TTLL6: variants seen among roughly 807,000 people sequenced by gnomAD.
The protein encoded by TTLL6 is tubulin tyrosine ligase like 6.
A neutral mutation model predicts 96.4 loss-of-function variants in TTLL6; 75 were observed. That is an observed-to-expected ratio of 0.78 (90% CI 0.65 to 0.94). The LOEUF is 0.94. Ranked by LOEUF, TTLL6 falls within the 40% of genes least tolerant of loss-of-function variation. The pLI is 0.00. For synonymous variants in TTLL6, 411 were observed against 419.4 expected (o/e 0.98, Z 0.24); for missense variants, 1,030 against 1,093.0 (o/e 0.94, Z 0.81).
intron 13 of TTLL6, among the ~76,000 whole-genome samples, chr17:48,771,083 G>C (rs1252079417): frequency 1.3e-5 from 2 of 152,174 alleles, no homozygotes; most frequent in Non-Finnish European, 2.9e-5. Context: ...AGACTTACTG[G>C]CTAGAGGTAA....
chr17:48,775,122 TAA>T (rs796616549), intron 13 of TTLL6, among the ~76,000 whole-genome samples: 2 of 142,250 alleles, frequency 1.4e-5, no homozygotes, highest in Admixed American at 7.1e-5. Context: ...GACTCCATCT[TAA>T]AAAAAAAAAA....
intron 5 of TTLL6, among the ~76,000 whole-genome samples, chr17:48,800,615 G>A (rs1472002021): frequency 2.6e-5 from 4 of 152,124 alleles, no homozygotes; most frequent in African/African-American, 7.2e-5. Flanking sequence ...AGAGGGGAGG[G>A]TAGAATTCCT....
chr17:48,768,771 G>T (rs1403586016), intron 15 of TTLL6, among the ~76,000 whole-genome samples: 2 of 146,458 alleles, frequency 1.4e-5, no homozygotes, highest in African/African-American at 2.6e-5. Flanking sequence ...CAAACTCCTG[G>T]GCACAAGGGA....
At chr17:48,811,134 T>C (rs959558058) in intron 1 of TTLL6, among the ~76,000 whole-genome samples, 5 of 150,268 alleles carry the variant, frequency 3.3e-5, no homozygotes, top group Admixed American at 2.7e-4. Context: ...AGTGGCATGA[T>C]TTCGGCTCAC....
Position 48,790,318 on chromosome 17 carries a change from C to A in TTLL6, c.1225-212G>T, listed in dbSNP as rs192473743. ...TAGTTAAACCAGCTTTTATCTCAGG[C>A]CTTTCTTCTTTGGGAGCATCAGGGT... On this transcript the variant is annotated intron_variant, in intron 9 of 15. Transcript: ENST00000393382. 3.1e-4 allele frequency among the ~76,000 whole-genome samples: 47 copies of A among 152,310 alleles called. No individual in the cohort carries two copies. The East Asian group carries it at 8.3e-3, about 27-fold the overall frequency.
At chr17:48,789,879 G>T in intron 10 of TTLL6, 52 bp downstream of exon 10, 1 of 1,587,872 alleles carries the variant, frequency 6.3e-7, no homozygotes, top group Non-Finnish European at 8.6e-7. Flanking sequence ...TTCTTATTGG[G>T]AGCAGGGGAG....
At chr17:48,805,108 A>G (rs1183878557) in intron 1 of TTLL6, 117 bp from the exon 2 acceptor site, 2 of 799,136 alleles carry the variant, frequency 2.5e-6, no homozygotes, top group Non-Finnish European at 3.9e-6. Context: ...GTTGCAGTTT[A>G]TAAAATGCCA....
intron 10 of TTLL6, among the ~76,000 whole-genome samples, chr17:48,789,014 A>T (rs1381946245): frequency 6.6e-6 from 1 of 152,056 alleles, no homozygotes; most frequent in Non-Finnish European, 1.5e-5. Flanking sequence ...TTCAGAATGG[A>T]AATACCAGTT....
Position 48,786,831 on chromosome 17 carries a change from CTTTTT to C in TTLL6, c.1590-501_1590-497del, listed in dbSNP as rs11446945. On this transcript the variant is annotated intron_variant, in intron 11 of 15. Transcript: ENST00000393382. Reference sequence around the variant, plus strand: ...GGAGTTCTGGTCCCTCTTCTGTCATCTTTTTTTTTTTTTTTTTTTTGAGATGGAGT... The same window carrying C: ...GGAGTTCTGGTCCCTCTTCTGTCATCTTTTTTTTTTTTTTTGAGATGGAGT... Among the ~76,000 whole-genome samples the C allele has an allele frequency of 4.5e-4, 55 of 122,486 alleles. 1 individual carries two copies. The South Asian group carries it at 7.8e-3, about 17-fold the overall frequency. The allele number at this position is 122,486 out of a possible 152,430, so 80.4% of individuals were successfully genotyped here.
intron 1 of TTLL6, among the ~76,000 whole-genome samples, chr17:48,814,169 AT>A (rs966197304): frequency 4.6e-5 from 7 of 151,954 alleles, no homozygotes; most frequent in Admixed American, 1.3e-4. Flanking sequence ...AAATACAAAA[AT>A]TAGCTGGGCA....
intron 13 of TTLL6, among the ~76,000 whole-genome samples, chr17:48,771,662 C>T (rs1446764164): frequency 7.3e-6 from 1 of 137,576 alleles, no homozygotes; most frequent in Non-Finnish European, 1.6e-5. Context: ...TATATATACA[C>T]ATTAGTGTAT....
intron 2 of TTLL6, 153 bp from the exon 3 acceptor site, chr17:48,804,081 C>T (rs1025154332): frequency 2.6e-6 from 2 of 769,110 alleles, no homozygotes; most frequent in Non-Finnish European, 4.3e-6. Context: ...GCTGAGGACA[C>T]GAGTCCAAGG....
At chr17:48,785,900 C>T (rs2039081741) in intron 12 of TTLL6, among the ~76,000 whole-genome samples, 1 of 152,170 alleles carries the variant, frequency 6.6e-6, no homozygotes, top group African/African-American at 2.4e-5. Flanking sequence ...CCCAGCATGG[C>T]CTGGCTGCTC....
rs535354935 is a variant in TTLL6, at chr17:48,807,252, G to C, written c.104-2261C>G. On this transcript the variant is annotated intron_variant, in intron 1 of 15. Coordinates refer to ENST00000393382, the MANE Select transcript of TTLL6 (RefSeq NM_001130918.3). ...ACTACAGGCATACACCACCACACCCGGCTAGTTTTGTATTTTTAGTAGAGA... is the reference window on the plus strand; with the variant it reads ...ACTACAGGCATACACCACCACACCCCGCTAGTTTTGTATTTTTAGTAGAGA... 6.6e-5 allele frequency among the ~76,000 whole-genome samples: 10 copies of C among 151,082 alleles called. No homozygotes were observed. In the South Asian group the frequency reaches 2.1e-3, roughly 32 times the overall value.
chr17:48,795,047 G>A (rs888368725), intron 8 of TTLL6, among the ~76,000 whole-genome samples: 1 of 152,146 alleles, frequency 6.6e-6, no homozygotes, highest in African/African-American at 2.4e-5. Context: ...TCAAGAATAG[G>A]CCGGGCGCGG....
In TTLL6 at chr17:48,810,825, G is replaced by GTATATATA. The variant is rs1555569643; in HGVS notation, c.104-5842_104-5835dup. ...ATATACACATATATAGTATGTGTGT[G>GTATATATA]TATATATATATATATATATATATAT... On this transcript the variant is annotated intron_variant, in intron 1 of 15. Coordinates refer to ENST00000393382, the MANE Select transcript of TTLL6 (RefSeq NM_001130918.3). 9.4e-3 allele frequency among the ~76,000 whole-genome samples: 791 copies of GTATATATA among 84,264 alleles called. 26 individuals are homozygous for GTATATATA. The highest frequency in any genetic ancestry group is 0.028 in the East Asian group (53 of 1,896). 55.3% of individuals were successfully genotyped at this position (84,264 alleles called of 152,430 possible).
In TTLL6 at chr17:48,786,344, G is replaced by T. The variant is rs2039095178; in HGVS notation, c.1590-9C>A. The stretch of plus-strand genomic sequence containing the variant: ...GCTCCTGGATCAGTTGCCTGCCCAT[G>T]AAGAACAAGTGAACATCATGGGGGT... On this transcript the variant is annotated splice_polypyrimidine_tract_variant and intron_variant, in intron 11 of 15. Coordinates refer to ENST00000393382, the MANE Select transcript of TTLL6 (RefSeq NM_001130918.3). 6.2e-7 allele frequency: 1 copy of T among 1,614,092 alleles called. No homozygotes were observed. The highest frequency in any genetic ancestry group is 1.3e-5 in the African/African-American group (1 of 74,948).
intron 13 of TTLL6, among the ~76,000 whole-genome samples, chr17:48,773,584 TG>T (rs1182603617): frequency 6.6e-6 from 1 of 151,770 alleles, no homozygotes; most frequent in Non-Finnish European, 1.5e-5. Context: ...TAGCTGGGCG[TG>T]GTGGTGCACG....
At chr17:48,772,012 T>C (rs949235429) in intron 13 of TTLL6, among the ~76,000 whole-genome samples, 1 of 151,826 alleles carries the variant, frequency 6.6e-6, no homozygotes, top group African/African-American at 2.4e-5. Context: ...GTGGCAGAGG[T>C]TGCAGTGAGC....
Sources: gnomAD v4.1 joint callset for allele counts (sites outside exome capture counted in the v4.1 genomes callset) on GRCh38, gnomAD v4.1.1 for gene constraint, MANE v1.5 for transcripts, NCBI Gene and HGNC (gene_info 2026-07-23, HGNC 2026-07-21) for gene names.